The following TRMT11 variants were observed in gnomAD, a reference collection of about 807,000 sequenced individuals.
TRMT11 encodes tRNA methyltransferase 11.
TRMT11 carries 53 observed loss-of-function variants against 62.8 expected under a neutral mutation model. That is an observed-to-expected ratio of 0.84 (90% CI 0.68 to 1.06). The LOEUF (loss-of-function observed/expected upper bound fraction) is 1.06. TRMT11 is among the 50% of genes least tolerant of loss of function. The pLI, the probability that TRMT11 is intolerant of heterozygous loss-of-function variation, is 0.00. For synonymous variants in TRMT11, 188 were observed against 190.3 expected, an observed-to-expected ratio of 0.99 and a Z score of 0.10; for missense variants, 556 against 553.4, an observed-to-expected ratio of 1.00 and a Z score of -0.05.
chr6:126,171,166 GCCATAA>G (rs1583897793), intron 21 of TRMT11, among the ~76,000 whole-genome samples: 1 of 152,278 alleles, frequency 6.6e-6, no homozygotes, highest in East Asian at 1.9e-4. Flanking sequence ...TTCTGGGGAG[GCCATAA>G]CTGGGGAGAT....
At position 126,012,788 on chromosome 6, in the gene TRMT11, G is replaced by A. The variant is rs549437612; in HGVS notation, c.943G>A (p.Glu315Lys). The change falls in exon 10 of 13, where the codon GAA becomes AAA. Residue 315 changes from glutamate to lysine, a missense_variant. Coordinates refer to ENST00000334379, the MANE Select transcript of TRMT11 (RefSeq NM_001031712.3). ...CTGTCTAGCTCCATATGGTATCAGA[G>A]AATCTACAAGAAGAACAGGTTCACA... ...IITDPPYGIRESTRRTGSQKE... is the reference protein window; with the variant it reads ...IITDPPYGIRKSTRRTGSQKE... 35 of 1,613,600 alleles carry A rather than the reference G, an allele frequency of 2.2e-5. No individual in the cohort carries two copies. In the East Asian group the frequency reaches 6.2e-4, roughly 29 times the overall value.
intron 21 of TRMT11, among the ~76,000 whole-genome samples, chr6:126,161,327 TG>T (rs1220946004): frequency 6.6e-6 from 1 of 151,964 alleles, no homozygotes; most frequent in East Asian, 1.9e-4. Flanking sequence ...TGAGAACATG[TG>T]GTGTTTGGTT....
At chr6:126,148,790 A>G (rs1206195837) in intron 21 of TRMT11, among the ~76,000 whole-genome samples, 3 of 152,208 alleles carry the variant, frequency 2.0e-5, no homozygotes, top group African/African-American at 7.2e-5. Flanking sequence ...GTGGTTATCA[A>G]TATCTTAACA....
chr6:126,124,413 T>C (rs1255839142), intron 21 of TRMT11, among the ~76,000 whole-genome samples: 2 of 152,064 alleles, frequency 1.3e-5, no homozygotes, highest in African/African-American at 4.8e-5. Flanking sequence ...GCAGGTGTCA[T>C]AGATTGCAAT....
At chr6:126,219,196 G>A in the TRMT11 span, among the ~76,000 whole-genome samples, 1 of 152,116 alleles carries the variant, frequency 6.6e-6, no homozygotes, top group Non-Finnish European at 1.5e-5. Context: ...TGGTTCCTAT[G>A]AAAGTGTTTT....
chr6:125,998,010 C>T (rs1562241281), intron 3 of TRMT11, 43 bp from the exon 4 acceptor site: 2 of 1,357,342 alleles, frequency 1.5e-6, no homozygotes, highest in Non-Finnish European at 2.1e-6. Flanking sequence ...CCTGTGTGAA[C>T]TAAGTTCTTT....
chr6:126,255,260 G>C, the TRMT11 span, among the ~76,000 whole-genome samples: 2 of 152,122 alleles, frequency 1.3e-5, no homozygotes, highest in Non-Finnish European at 2.9e-5. Flanking sequence ...AATCGCTATA[G>C]CTAGAATTGA....
At chr6:126,194,357 C>G (rs943838195) in intron 1 of TRMT11, among the ~76,000 whole-genome samples, 3 of 152,092 alleles carry the variant, frequency 2.0e-5, no homozygotes, top group Non-Finnish European at 2.9e-5. Flanking sequence ...CATGTTTATT[C>G]TCCTCTTTGT....
chr6:126,149,470 A>G (rs1438666853), intron 21 of TRMT11, among the ~76,000 whole-genome samples: 1 of 152,166 alleles, frequency 6.6e-6, no homozygotes, highest in African/African-American at 2.4e-5. Flanking sequence ...TGTCCTTACA[A>G]TCACCCTCTG....
chr6:125,996,445 C>T (rs745878332), intron 3 of TRMT11, among the ~76,000 whole-genome samples: 6 of 152,040 alleles, frequency 3.9e-5, no homozygotes, highest in African/African-American at 7.2e-5. Context: ...TGAGGACTGC[C>T]GTGAGACATG....
chr6:126,108,033 G>A (rs532032565), intron 17 of TRMT11, among the ~76,000 whole-genome samples: 33 of 152,224 alleles, frequency 2.2e-4, no homozygotes, highest in African/African-American at 7.0e-4. Flanking sequence ...AGAGCATCTC[G>A]TGAGCAGGAA....
chr6:126,125,832 C>G (rs987662168), intron 21 of TRMT11, among the ~76,000 whole-genome samples: 3 of 150,278 alleles, frequency 2.0e-5, no homozygotes, highest in African/African-American at 7.3e-5. Context: ...GCCTTGGGAT[C>G]TTCAGTGTAG....
At chr6:126,188,414 T>C (rs1351736475) in intron 1 of TRMT11, among the ~76,000 whole-genome samples, 4 of 152,004 alleles carry the variant, frequency 2.6e-5, no homozygotes, top group Non-Finnish European at 5.9e-5. Context: ...GAAAATGCAA[T>C]TGAAAACCAC....
upstream of TRMT11, among the ~76,000 whole-genome samples, chr6:126,172,314 G>A (rs948944616): frequency 2.6e-5 from 4 of 152,054 alleles, no homozygotes; most frequent in Admixed American, 2.6e-4. Context: ...TGTCATTTTG[G>A]TCTGTTCTTG....
the TRMT11 span, among the ~76,000 whole-genome samples, chr6:126,245,264 T>C: frequency 6.6e-6 from 1 of 152,210 alleles, no homozygotes; most frequent in Non-Finnish European, 1.5e-5. Flanking sequence ...GTGCATATAA[T>C]TGTGCTGTGT....
intron 16 of TRMT11, among the ~76,000 whole-genome samples, chr6:126,051,910 CAAAACA>C (rs1232111593): frequency 1.3e-5 from 2 of 151,998 alleles, no homozygotes; most frequent in Non-Finnish European, 1.5e-5. Context: ...GGACAAAAAA[CAAAACA>C]AAACAAACAG....
At chr6:126,259,534 G>C in the TRMT11 span, among the ~76,000 whole-genome samples, 1 of 152,160 alleles carries the variant, frequency 6.6e-6, no homozygotes, top group Non-Finnish European at 1.5e-5. Flanking sequence ...CCATTGATGG[G>C]TATTATGTTG....
At chr6:126,252,816 T>C in the TRMT11 span, among the ~76,000 whole-genome samples, 1 of 152,242 alleles carries the variant, frequency 6.6e-6, no homozygotes, top group Non-Finnish European at 1.5e-5. Context: ...TATTGAACTT[T>C]TCCGGAATAA....
chr6:126,189,583 A>T (rs145407407), intron 1 of TRMT11, among the ~76,000 whole-genome samples: 1 of 152,104 alleles, frequency 6.6e-6, no homozygotes, highest in Admixed American at 6.5e-5. Flanking sequence ...AAAATGGAGC[A>T]CCTCAGGTTC....
Sources: allele counts gnomAD v4.1 joint callset (sites outside exome capture counted in the v4.1 genomes callset), GRCh38; gene constraint gnomAD v4.1.1; transcripts MANE v1.5; gene names NCBI Gene and HGNC (gene_info 2026-07-23, HGNC 2026-07-21).